FNBP1: variants seen among roughly 807,000 people sequenced by gnomAD.
FNBP1 encodes the protein formin-binding protein 1.
FNBP1 carries 26 observed loss-of-function variants against 90.6 expected under a neutral mutation model. The observed-to-expected ratio is 0.29, with a 90% confidence interval of 0.21 to 0.40. The LOEUF (loss-of-function observed/expected upper bound fraction) is 0.40. FNBP1 is among the 10% of genes least tolerant of loss of function. The pLI, the probability that FNBP1 is intolerant of heterozygous loss-of-function variation, is 1.00. For missense variants in FNBP1, 635 were observed against 768.0 expected, an observed-to-expected ratio of 0.83 and a Z score of 2.05; for synonymous variants, 260 against 265.2, an observed-to-expected ratio of 0.98 and a Z score of 0.19.
At chr9:129,955,257 G>A (rs181374071) in intron 6 of FNBP1, among the ~76,000 whole-genome samples, 8 of 151,026 alleles carry the variant, frequency 5.3e-5, no homozygotes, top group Admixed American at 2.0e-4. Flanking sequence ...TTTTTGAGAC[G>A]GGGTCTGGCT....
At chr9:129,916,890 G>A (rs577457352) in intron 10 of FNBP1, among the ~76,000 whole-genome samples, 2 of 152,280 alleles carry the variant, frequency 1.3e-5, no homozygotes, top group South Asian at 2.1e-4. Flanking sequence ...CCAGGCTAGA[G>A]GCCAACATTC....
chr9:129,905,312 A>ATATT (rs1327228641), intron 12 of FNBP1, among the ~76,000 whole-genome samples: 1 of 146,380 alleles, frequency 6.8e-6, no homozygotes, highest in African/African-American at 2.5e-5. Flanking sequence ...ATATATATAT[A>ATATT]TTTTGTTAAT....
intron 1 of FNBP1, among the ~76,000 whole-genome samples, chr9:129,999,993 T>C (rs1761996505): frequency 1.3e-5 from 2 of 152,208 alleles, no homozygotes; most frequent in African/African-American, 4.8e-5. Context: ...AGGCCCTTTT[T>C]AGATCAGTGC....
intron 6 of FNBP1, among the ~76,000 whole-genome samples, chr9:129,956,725 T>G (rs1042417514): frequency 3.3e-5 from 5 of 152,142 alleles, no homozygotes; most frequent in African/African-American, 1.2e-4. Context: ...TCCTGTCTCC[T>G]CCGGCTCTCA....
chr9:129,939,199 A>T (rs938132702), intron 6 of FNBP1, among the ~76,000 whole-genome samples: 3 of 151,906 alleles, frequency 2.0e-5, no homozygotes, highest in Non-Finnish European at 4.4e-5. Flanking sequence ...GACCAGCCTG[A>T]CCAATATGAT....
chr9:129,913,545 C>T (rs142776816), intron 11 of FNBP1, among the ~76,000 whole-genome samples: 177 of 152,046 alleles, frequency 1.2e-3, no homozygotes, highest in African/African-American at 3.8e-3. Flanking sequence ...CTGAGGTGGG[C>T]GGATCACCTG....
In FNBP1 at chr9:129,957,042, C is replaced by CT. The variant is rs34387590; in HGVS notation, c.513+317dup. 0.95 allele frequency among the ~76,000 whole-genome samples: 136,967 copies of CT among 143,908 alleles called. 65,297 individuals carry two copies. Among genetic ancestry groups the CT allele is most frequent in the South Asian group, 0.99 (4,524 of 4,572 alleles). 94.4% of individuals were successfully genotyped at this position (143,908 alleles called of 152,430 possible). ...AAGACACACTTGAGCTTTCTTTTGT[C>CT]TTTTTTTTTTTTTGGCGATAGTTTC... On this transcript the variant is annotated intron_variant, in intron 6 of 16. Coordinates refer to ENST00000446176, the MANE Select transcript of FNBP1 (RefSeq NM_015033.3). This position sits in a 1 kb window ranked among gnomAD's most constrained non-coding sequence, Gnocchi z 4.3.
chr9:129,902,828 C>A (rs369638787), intron 13 of FNBP1, 41 bp downstream of exon 13: 1 of 1,607,618 alleles, frequency 6.2e-7, no homozygotes. Context: ...AACACCTGTT[C>A]TTCGTTTCCA....
chr9:130,010,419 G>A (rs762365360), intron 1 of FNBP1, among the ~76,000 whole-genome samples: 5 of 152,192 alleles, frequency 3.3e-5, no homozygotes, highest in African/African-American at 7.2e-5. Context: ...AAAAAAACCC[G>A]GATACTTTTT....
intron 4 of FNBP1, among the ~76,000 whole-genome samples, chr9:129,974,999 A>C (rs1184969369): frequency 6.6e-6 from 1 of 152,198 alleles, no homozygotes; most frequent in Non-Finnish European, 1.5e-5. Flanking sequence ...CAGGCGGATC[A>C]CCTGAGCTCA....
At chr9:129,939,572 G>A (rs2044022037) in intron 6 of FNBP1, among the ~76,000 whole-genome samples, 1 of 152,130 alleles carries the variant, frequency 6.6e-6, no homozygotes, top group South Asian at 2.1e-4. Flanking sequence ...GCTTATGTAG[G>A]TCTCAAGCTG....
chr9:129,945,377 T>G (rs1588753305), intron 6 of FNBP1, among the ~76,000 whole-genome samples: 1 of 152,192 alleles, frequency 6.6e-6, no homozygotes, highest in African/African-American at 2.4e-5. Flanking sequence ...AACCACTTCC[T>G]TTTTAAAAAA....
intron 1 of FNBP1, among the ~76,000 whole-genome samples, chr9:130,021,033 A>T (rs1206499467): frequency 6.6e-6 from 1 of 152,210 alleles, no homozygotes; most frequent in African/African-American, 2.4e-5. Flanking sequence ...AACAGAAGAG[A>T]ATAAAACATT....
At position 130,041,794 on chromosome 9, in the gene FNBP1, G is replaced by T. The variant is rs2059842962; in HGVS notation, c.24+1158C>A. On this transcript the variant is annotated intron_variant, in intron 1 of 16. Transcript: ENST00000446176. This position sits in a 1 kb window ranked among gnomAD's most constrained non-coding sequence, Gnocchi z 4.3. ...AAAGAAAACAAAACAAAAAACAAGGGAGGATGTGCTCTGTTTCTGTAATTG... is the reference window on the plus strand; with the variant it reads ...AAAGAAAACAAAACAAAAAACAAGGTAGGATGTGCTCTGTTTCTGTAATTG... 6.6e-6 allele frequency among the ~76,000 whole-genome samples: 1 copy of T among 152,150 alleles called. No individual in the cohort carries two copies.
intron 1 of FNBP1, among the ~76,000 whole-genome samples, chr9:130,019,428 T>C (rs912054937): frequency 2.0e-5 from 3 of 152,190 alleles, no homozygotes; most frequent in African/African-American, 7.2e-5. Context: ...AAAGTCTTTA[T>C]AGGTTCAATA....
At chr9:129,976,042 A>T (rs2050260456) in intron 4 of FNBP1, among the ~76,000 whole-genome samples, 1 of 152,086 alleles carries the variant, frequency 6.6e-6, no homozygotes, top group Non-Finnish European at 1.5e-5. Context: ...GATTTCTGGT[A>T]TTTATTTTAT....
Position 129,889,600 on chromosome 9 carries a change from G to C in FNBP1, c.*939C>G, listed in dbSNP as rs1300460157. ...AAAAAAAAAAAACAACAACAAAAAA[G>C]GAAGTGCTACCCTTTTCAGATGCTA... On this transcript the variant is annotated 3_prime_UTR_variant, in exon 17 of 17. Coordinates refer to ENST00000446176, the MANE Select transcript of FNBP1 (RefSeq NM_015033.3). 1 of 217,942 alleles carries C rather than the reference G, an allele frequency of 4.6e-6. No homozygotes were observed. Among genetic ancestry groups the C allele is most frequent in the Admixed American group, 5.8e-5 (1 of 17,186 alleles). 13.5% of individuals were successfully genotyped at this position (217,942 alleles called of 1,614,324 possible). A position where few individuals can be genotyped will look rare whatever the true frequency, so the allele number is the denominator to read the frequency against.
intron 6 of FNBP1, among the ~76,000 whole-genome samples, chr9:129,937,326 CAAAT>C (rs1365094805): frequency 6.6e-6 from 1 of 152,088 alleles, no homozygotes; most frequent in Non-Finnish European, 1.5e-5. Flanking sequence ...TTGAAACAAA[CAAAT>C]CATTGGTTAA....
At chr9:129,932,976 A>C (rs1588655358) in intron 6 of FNBP1, among the ~76,000 whole-genome samples, 1 of 152,234 alleles carries the variant, frequency 6.6e-6, no homozygotes, top group African/African-American at 2.4e-5. Context: ...TTTAAAAAAA[A>C]ATTCCCATTA....
Sources: allele counts gnomAD v4.1 joint callset (sites outside exome capture counted in the v4.1 genomes callset), GRCh38; gene constraint gnomAD v4.1.1; non-coding constraint Gnocchi (gnomAD v3.1); transcripts MANE v1.5; gene names NCBI Gene and HGNC (gene_info 2026-07-23, HGNC 2026-07-21).